The following LIMS2 variants were observed in gnomAD, a reference collection of about 807,000 sequenced individuals.
LIMS2 encodes LIM and senescent cell antigen-like-containing domain protein 2.
LIMS2 carries 30 observed loss-of-function variants against 45.3 expected under a neutral mutation model. The ratio of observed to expected loss-of-function variants is 0.66; its 90% CI spans 0.50 to 0.90. The LOEUF is 0.90. Ranked by LOEUF, LIMS2 falls within the 40% of genes least tolerant of loss-of-function variation. LIMS2 has a pLI of 0.00. For synonymous variants in LIMS2, 173 were observed against 188.0 expected, an observed-to-expected ratio of 0.92 and a Z score of 0.65; for missense variants, 485 against 468.7, an observed-to-expected ratio of 1.03 and a Z score of -0.32.
At chr2:127,662,625 C>CTTGTGGG (rs1684741513) in intron 1 of LIMS2, among the ~76,000 whole-genome samples, 1 of 59,224 alleles carries the variant, frequency 1.7e-5, no homozygotes, top group South Asian at 6.5e-4. Context: ...ACCAGAGGCT[C>CTTGTGGG]TTGTGGGGTG....
At position 127,639,868 on chromosome 2, in the gene LIMS2, GCCTGGGGTC is replaced by G. The variant is rs138222219; in HGVS notation, c.878+193_878+201del. Among the ~76,000 whole-genome samples the G allele has an allele frequency of 0.021, 3,123 of 152,224 alleles. 101 individuals are homozygous for G. Among genetic ancestry groups the G allele is most frequent in the African/African-American group, 0.069 (2,876 of 41,514 alleles). ...TGAGTGTTCCTCCTCCTCTCACTGT[GCCTGGGGTC>G]CCTGGGGTCCCTGGATCCCCTAGAC... On this transcript the variant is annotated intron_variant, in intron 9 of 9. Coordinates refer to ENST00000355119, the MANE Select transcript of LIMS2 (RefSeq NM_001161403.3).
In LIMS2 at chr2:127,643,076, C is replaced by A. The variant is rs112254310; in HGVS notation, c.360-4G>T. 1.4e-4 allele frequency: 220 copies of A among 1,568,786 alleles called. No individual in the cohort carries two copies. The highest frequency in any genetic ancestry group is 1.8e-4 in the Middle Eastern group (1 of 5,506). On this transcript the variant is annotated splice_polypyrimidine_tract_variant and splice_region_variant and intron_variant, in intron 4 of 9. Coordinates refer to ENST00000355119, the MANE Select transcript of LIMS2 (RefSeq NM_001161403.3). ...GTGGCAAGGCCGGCAGAGATGCCTG[C>A]GGGAGGCGGGGGCATTAGGGGCAGA... is the stretch of plus-strand genomic sequence containing the variant.
Position 127,654,849 on chromosome 2 carries a change from A to T in LIMS2, c.219T>A (p.Ala73=). The change falls in exon 3 of 10, where the codon GCT becomes GCA. Residue 73 remains alanine (A), a synonymous_variant. Coordinates refer to ENST00000355119, the MANE Select transcript of LIMS2 (RefSeq NM_001161403.3). ...CCTTACCGCAGGATCCACAGCACGG[A>T]GCAAACAGCATTTGGAAGTCGTGTT... ...YCEHDFQMLF[A]PCCGSCGEFI... is the part of the protein sequence containing the mutation. 6.2e-7 allele frequency: 1 copy of T among 1,614,158 alleles called. No homozygotes were observed. Among genetic ancestry groups the T allele is most frequent in the East Asian group, 2.2e-5 (1 of 44,888 alleles).
At chr2:127,661,960 C>G (rs1441861044) in intron 1 of LIMS2, among the ~76,000 whole-genome samples, 1 of 152,158 alleles carries the variant, frequency 6.6e-6, no homozygotes, top group South Asian at 2.1e-4. Context: ...TTCCTCCATC[C>G]CAGCCTTCCT....
rs1684903921 is a variant in LIMS2 at position 127,664,611 on chromosome 2, G to C, written c.12-7049C>G. 9.0e-7 allele frequency: 1 copy of C among 1,114,850 alleles called. No individual in the cohort carries two copies. 69.1% of individuals were successfully genotyped at this position (1,114,850 alleles called of 1,614,324 possible). ...GAAAGGATATTGTTCGCGCCGCGGGGGCAGCTCCTGAAAGCTGAGGCTGGC... is the reference window on the plus strand; with the variant it reads ...GAAAGGATATTGTTCGCGCCGCGGGCGCAGCTCCTGAAAGCTGAGGCTGGC... On this transcript the variant is annotated intron_variant, in intron 1 of 9. Transcript: ENST00000355119. The surrounding 1 kb of genome is among the most constrained non-coding windows in gnomAD (Gnocchi z 5.5).
At chr2:127,677,380 G>A (rs1685526133), upstream of LIMS2, among the ~76,000 whole-genome samples, 1 of 152,204 alleles carries the variant, frequency 6.6e-6, no homozygotes, top group Non-Finnish European at 1.5e-5. The surrounding 1 kb of genome is among the most constrained non-coding windows in gnomAD (Gnocchi z 5.0). Flanking sequence ...GTGCTGCAAA[G>A]AAAAGGACAA....
chr2:127,643,805 G>C, intron 4 of LIMS2, among the ~76,000 whole-genome samples: 1 of 152,080 alleles, frequency 6.6e-6, no homozygotes, highest in East Asian at 1.9e-4. Flanking sequence ...CCTGGCCCCC[G>C]TCTCCACCTG....
chr2:127,641,737 C>T (rs1403058134), intron 6 of LIMS2: 3 of 302,208 alleles, frequency 9.9e-6, no homozygotes, highest in African/African-American at 6.5e-5. Context: ...TCCACAACCC[C>T]CAGGCACTCT....
At position 127,639,082 on chromosome 2, in the gene LIMS2, A is replaced by C. The variant is rs145290975; in HGVS notation, c.*199T>G. On this transcript the variant is annotated 3_prime_UTR_variant, in exon 10 of 10. Coordinates refer to ENST00000355119, the MANE Select transcript of LIMS2 (RefSeq NM_001161403.3). ...CCCACTCCCCAGCTCCTGCCTCCTCACAGACAGAAGCCACGGCCAAGGAGA... is the reference window on the plus strand; with the variant it reads ...CCCACTCCCCAGCTCCTGCCTCCTCCCAGACAGAAGCCACGGCCAAGGAGA... 47 of 613,232 alleles carry C rather than the reference A, an allele frequency of 7.7e-5. No individual in the cohort carries two copies. Among genetic ancestry groups the C allele is most frequent in the Non-Finnish European group, 1.0e-4 (36 of 357,464 alleles). 38.0% of individuals were successfully genotyped at this position (613,232 alleles called of 1,614,324 possible). A position where few individuals can be genotyped will look rare whatever the true frequency, so the allele number is the denominator to read the frequency against.
intron 2 of LIMS2, 100 bp from the exon 3 acceptor site, chr2:127,654,996 C>T (rs1217563088): frequency 9.0e-7 from 1 of 1,114,520 alleles, no homozygotes; most frequent in East Asian, 2.6e-5. Flanking sequence ...GGGGATGAGG[C>T]ACTGAGGCAG....
Position 127,638,498 on chromosome 2 carries a change from G to A in LIMS2, c.*783C>T, listed in dbSNP as rs542419893. 1 of 152,804 alleles carries A rather than the reference G, an allele frequency of 6.5e-6. No homozygotes were observed. The highest frequency in any genetic ancestry group is 2.4e-5 in the African/African-American group (1 of 41,582). 9.5% of individuals were successfully genotyped at this position (152,804 alleles called of 1,614,324 possible). A position where few individuals can be genotyped will look rare whatever the true frequency, so the allele number is the denominator to read the frequency against. ...CACCAGGTCTGCGCTGGCCGAAGAC[G>A]AAGCGTCCTCCCTGGAGGTGGGAAC... On this transcript the variant is annotated 3_prime_UTR_variant, in exon 10 of 10. Transcript: ENST00000355119.
At position 127,665,022 on chromosome 2, in the gene LIMS2, C is replaced by T. The variant is rs545676592; in HGVS notation, c.12-7460G>A. ...GTCCTTATTTTAGAGAAAAGGCAAT[C>T]CTCCAGCTTCCAGGGGAGCAGACGC... On this transcript the variant is annotated intron_variant, in intron 1 of 9. Transcript: ENST00000355119. Among the ~76,000 whole-genome samples the T allele has an allele frequency of 9.8e-5, 15 of 152,326 alleles. No homozygotes were observed. In the South Asian group the frequency reaches 2.3e-3, roughly 23 times the overall value.
At position 127,647,248 on chromosome 2, in the gene LIMS2, G is replaced by A. The variant is rs1360574341; in HGVS notation, c.360-4176C>T. Among the ~76,000 whole-genome samples, 1 of 152,158 alleles carries A rather than the reference G, an allele frequency of 6.6e-6. No individual in the cohort carries two copies. The highest frequency in any genetic ancestry group is 1.5e-5 in the Non-Finnish European group (1 of 68,012). On this transcript the variant is annotated intron_variant, in intron 4 of 9. Transcript: ENST00000355119. The surrounding 1 kb of genome is among the most constrained non-coding windows in gnomAD (Gnocchi z 4.3). ...AATGAGGGAGTGGCCCCAGGGCCAG[G>A]AGGGGGTGCTGAGCCTGGGAGACAA...
In LIMS2 at chr2:127,668,701, A is replaced by C. The variant is rs866816214; in HGVS notation, c.11+6313T>G. ...AAAAAAAAAAAAAAAAAAAAAAAAA[A>C]AAAAAAAAAACACCTTACTTAAAAA... On this transcript the variant is annotated intron_variant, in intron 1 of 9. Coordinates refer to ENST00000355119, the MANE Select transcript of LIMS2 (RefSeq NM_001161403.3). Among the ~76,000 whole-genome samples the C allele has an allele frequency of 7.0e-3, 857 of 122,964 alleles. 38 individuals carry two copies. Among genetic ancestry groups the C allele is most frequent in the African/African-American group, 0.025 (664 of 26,268 alleles). The allele number at this position is 122,964 out of a possible 152,430, so 80.7% of individuals were successfully genotyped here.
chr2:127,651,331 T>C (rs1683757408), intron 4 of LIMS2: 3 of 1,611,086 alleles, frequency 1.9e-6, no homozygotes, highest in African/African-American at 1.3e-5. Context: ...TCCCTGGCAG[T>C]GGCCTTCACC....
rs745791797 is a variant in LIMS2, at chr2:127,667,587, G to C, written c.11+7427C>G. 7.2e-5 allele frequency among the ~76,000 whole-genome samples: 11 copies of C among 152,174 alleles called. No homozygotes were observed. The highest frequency in any genetic ancestry group is 1.3e-4 in the Non-Finnish European group (9 of 68,042). ...TACCATATCAATAGAATATAGGGAG[G>C]ACACTCTATGACCATCTCAACAGAT... On this transcript the variant is annotated intron_variant, in intron 1 of 9. Transcript: ENST00000355119. The surrounding 1 kb of genome is among the most constrained non-coding windows in gnomAD (Gnocchi z 4.1).
At chr2:127,673,922 G>A in intron 1 of LIMS2, 1 of 602,364 alleles carries the variant, frequency 1.7e-6, no homozygotes. Context: ...AGGCTTAGAG[G>A]TGACTCCAAG....
chr2:127,664,064 C>T lies in LIMS2; in HGVS notation c.12-6502G>A, dbSNP rs553361312. Reference sequence around the variant, plus strand: ...AGCAGTGCTGGGGGCTACACAGGCTCCCTCGTCTCTAACATAGGTCCCTGG... The same window carrying T: ...AGCAGTGCTGGGGGCTACACAGGCTTCCTCGTCTCTAACATAGGTCCCTGG... On this transcript the variant is annotated intron_variant, in intron 1 of 9. Coordinates refer to ENST00000355119, the MANE Select transcript of LIMS2 (RefSeq NM_001161403.3). The surrounding 1 kb of genome is among the most constrained non-coding windows in gnomAD (Gnocchi z 5.5). Among the ~76,000 whole-genome samples, 2 of 152,328 alleles carry T rather than the reference C, an allele frequency of 1.3e-5. No homozygotes were observed. Among genetic ancestry groups the T allele is most frequent in the South Asian group, 2.1e-4 (1 of 4,830 alleles).
intron 4 of LIMS2, chr2:127,644,031 G>A: frequency 4.4e-6 from 2 of 456,308 alleles, no homozygotes; most frequent in Non-Finnish European, 4.4e-6. Context: ...CCAGATGCCA[G>A]GGCCACCCAT....
Sources: gnomAD v4.1 joint callset for allele counts (sites outside exome capture counted in the v4.1 genomes callset) on GRCh38, gnomAD v4.1.1 for gene constraint, Gnocchi (gnomAD v3.1) non-coding constraint, MANE v1.5 for transcripts, NCBI Gene and HGNC (gene_info 2026-07-23, HGNC 2026-07-21) for gene names.